Variants in CCDC69 observed in about 807,000 individuals in gnomAD.
The protein encoded by CCDC69 is coiled-coil domain-containing protein 69.
In CCDC69, 38 loss-of-function variants were observed where a neutral mutation model predicts 40.3. That is an observed-to-expected ratio of 0.94 (90% CI 0.73 to 1.24). The LOEUF is 1.24. Ranked by LOEUF, CCDC69 falls within the 50% of genes most tolerant of loss-of-function variation. The pLI is 0.00. For synonymous variants in CCDC69, 141 were observed against 138.9 expected (o/e 1.02, Z -0.11); for missense variants, 389 against 357.9 (o/e 1.09, Z -0.70).
chr5:151,213,651 T>A (rs1038870666), intron 1 of CCDC69, among the ~76,000 whole-genome samples: 2 of 152,146 alleles, frequency 1.3e-5, no homozygotes, highest in African/African-American at 4.8e-5. Flanking sequence ...GGAATCCTAG[T>A]AGGATGGAAG....
intron 3 of CCDC69, among the ~76,000 whole-genome samples, chr5:151,200,143 CT>C (rs200177477): frequency 1.7e-3 from 248 of 145,232 alleles, no homozygotes; most frequent in Non-Finnish European, 1.6e-3. Flanking sequence ...ACTACGGAGA[CT>C]TTTTTTTTTT....
At chr5:151,209,725 G>A (rs1483788659) in intron 1 of CCDC69, among the ~76,000 whole-genome samples, 1 of 151,998 alleles carries the variant, frequency 6.6e-6, no homozygotes, top group Admixed American at 6.6e-5. Context: ...GACTACAGGC[G>A]TGTGCTACCA....
intron 2 of CCDC69, among the ~76,000 whole-genome samples, chr5:151,204,199 T>G (rs988176453): frequency 6.6e-6 from 1 of 152,004 alleles, no homozygotes; most frequent in African/African-American, 2.4e-5. Flanking sequence ...GGCTAGTTTT[T>G]TGTGTGTGTA....
In CCDC69 at chr5:151,209,021, T is replaced by C. The variant is rs191492004; in HGVS notation, c.49-3546A>G. ...CTTAAGACACTGTCACACTGTGCCA[T>C]AATGTTCAAATCAGCATTAGAACCA... On this transcript the variant is annotated intron_variant, in intron 1 of 8. Coordinates refer to ENST00000355417, the MANE Select transcript of CCDC69 (RefSeq NM_015621.3). Among the ~76,000 whole-genome samples, 9 of 152,310 alleles carry C rather than the reference T, an allele frequency of 5.9e-5. No individual in the cohort carries two copies. In the East Asian group the frequency reaches 1.5e-3, roughly 26 times the overall value.
intron 4 of CCDC69, among the ~76,000 whole-genome samples, chr5:151,188,223 C>T (rs1310380911): frequency 1.3e-5 from 2 of 152,096 alleles, no homozygotes; most frequent in African/African-American, 4.8e-5. Context: ...GGGCAACTGA[C>T]AATCAACGGG....
chr5:151,210,577 TAAAC>T, intron 1 of CCDC69: 1 of 152,072 alleles, frequency 6.6e-6, no homozygotes, highest in East Asian at 1.9e-4. Flanking sequence ...AATTAAAAAA[TAAAC>T]ATATTGATTT....
chr5:151,194,285 A>G (rs1752663252), intron 4 of CCDC69, among the ~76,000 whole-genome samples: 1 of 152,262 alleles, frequency 6.6e-6, no homozygotes, highest in Non-Finnish European at 1.5e-5. Flanking sequence ...AATTGCCTCA[A>G]ATGTCCTGCA....
At chr5:151,212,066 G>A (rs1752961109) in intron 1 of CCDC69, 2 of 151,404 alleles carry the variant, frequency 1.3e-5, no homozygotes, top group South Asian at 4.2e-4. Context: ...TTCCAAAAGA[G>A]GGGTGGGGAG....
intron 1 of CCDC69, among the ~76,000 whole-genome samples, chr5:151,207,798 C>T (rs1752873379): frequency 6.6e-6 from 1 of 150,878 alleles, no homozygotes; most frequent in East Asian, 2.0e-4. Context: ...GGTCACCAGA[C>T]CAGGATTTGG....
At chr5:151,208,306 C>T (rs184784009) in intron 1 of CCDC69, among the ~76,000 whole-genome samples, 13 of 152,242 alleles carry the variant, frequency 8.5e-5, no homozygotes, top group East Asian at 5.8e-4. Context: ...TGAAAATGTT[C>T]GACAAAAATT....
intron 1 of CCDC69, among the ~76,000 whole-genome samples, chr5:151,214,380 C>G (rs1449060559): frequency 6.6e-6 from 1 of 152,154 alleles, no homozygotes; most frequent in Non-Finnish European, 1.5e-5. Context: ...AGGGCGGGGC[C>G]TAAATGATCA....
chr5:151,203,212 C>T (rs1752800171), intron 2 of CCDC69, among the ~76,000 whole-genome samples: 1 of 151,888 alleles, frequency 6.6e-6, no homozygotes, highest in Non-Finnish European at 1.5e-5. Flanking sequence ...CTTGCTTGTG[C>T]ACAAAAGGAA....
intron 4 of CCDC69, among the ~76,000 whole-genome samples, chr5:151,197,282 C>T (rs1179454455): frequency 2.0e-5 from 3 of 152,152 alleles, no homozygotes; most frequent in Non-Finnish European, 4.4e-5. Flanking sequence ...AATCCCAGCA[C>T]TTTGGGAGGC....
chr5:151,209,430 T>C (rs1218988566), intron 1 of CCDC69, among the ~76,000 whole-genome samples: 1 of 152,230 alleles, frequency 6.6e-6, no homozygotes, highest in Admixed American at 6.5e-5. Context: ...GAGAACTCTT[T>C]TCCACAAACA....
chr5:151,221,552 A>G (rs1004575240), intron 1 of CCDC69, among the ~76,000 whole-genome samples: 4 of 152,230 alleles, frequency 2.6e-5, no homozygotes, highest in Non-Finnish European at 4.4e-5. Context: ...GTATAAGGCA[A>G]TGAGCACCAG....
intron 4 of CCDC69, among the ~76,000 whole-genome samples, chr5:151,192,000 G>A (rs1752619147): frequency 7.0e-6 from 1 of 143,646 alleles, no homozygotes; most frequent in Non-Finnish European, 1.5e-5. Flanking sequence ...TGGGAAGATT[G>A]CTTGATTCCA....
At chr5:151,205,572 G>A (rs767985958) in intron 1 of CCDC69, 97 bp from the exon 2 acceptor site, 7 of 1,001,642 alleles carry the variant, frequency 7.0e-6, no homozygotes, top group Non-Finnish European at 1.1e-5. Flanking sequence ...GGCAAGGCAG[G>A]ACCTTCAGTT....
intron 4 of CCDC69, among the ~76,000 whole-genome samples, chr5:151,195,253 A>C (rs1032865931): frequency 6.6e-6 from 1 of 152,226 alleles, no homozygotes; most frequent in East Asian, 1.9e-4. Flanking sequence ...AATTCTTCTT[A>C]TTAATATATT....
chr5:151,223,552 G>C (rs73278265), intron 1 of CCDC69, among the ~76,000 whole-genome samples: 1 of 152,206 alleles, frequency 6.6e-6, no homozygotes, highest in Non-Finnish European at 1.5e-5. Context: ...TTTAACCCCC[G>C]GGGGGAGGAA....
Sources: allele counts gnomAD v4.1 joint callset (sites outside exome capture counted in the v4.1 genomes callset), GRCh38; gene constraint gnomAD v4.1.1; transcripts MANE v1.5; gene names NCBI Gene and HGNC (gene_info 2026-07-23, HGNC 2026-07-21).